Variants in KATNIP observed in about 807,000 individuals in gnomAD.
KATNIP encodes katanin-interacting protein.
KATNIP carries 126 observed loss-of-function variants against 174.0 expected under a neutral mutation model. The observed-to-expected ratio is 0.72, with a 90% CI of 0.63 to 0.84. The LOEUF is 0.84. Among genes scored for constraint, KATNIP ranks in the 40% least tolerant of loss-of-function variants. KATNIP has a pLI of 0.00. For missense variants in KATNIP, 1,958 were observed against 2,109.7 expected (o/e 0.93, Z 1.41); for synonymous variants, 810 against 835.7 (o/e 0.97, Z 0.53).
intron 2 of KATNIP, among the ~76,000 whole-genome samples, chr16:27,589,645 A>AT (rs2075107830): frequency 6.6e-6 from 1 of 152,090 alleles, no homozygotes. Context: ...AGCTTTTTAT[A>AT]TTTTTGCCAG....
intron 1 of KATNIP, among the ~76,000 whole-genome samples, chr16:27,561,477 G>T (rs1596717566): frequency 6.6e-6 from 1 of 152,260 alleles, no homozygotes; most frequent in Admixed American, 6.5e-5. Flanking sequence ...TCCTAGTGAA[G>T]TCACTTTCTC....
At chr16:27,767,306 G>A (rs1324676530) in intron 20 of KATNIP, among the ~76,000 whole-genome samples, 1 of 152,128 alleles carries the variant, frequency 6.6e-6, no homozygotes, top group African/African-American at 2.4e-5. Flanking sequence ...ACCTGCCACG[G>A]CGGATTGGCA....
chr16:27,677,258 C>T (rs1461350311), intron 6 of KATNIP, among the ~76,000 whole-genome samples: 1 of 152,146 alleles, frequency 6.6e-6, no homozygotes, highest in Non-Finnish European at 1.5e-5. Flanking sequence ...AGTTTAGGGT[C>T]ATTTGGAGGC....
At chr16:27,754,670 GCAGAGAAAA>G (rs1367669658) in intron 18 of KATNIP, 1 of 159,178 alleles carries the variant, frequency 6.3e-6, no homozygotes, top group African/African-American at 2.4e-5. Context: ...AGATGCACAG[GCAGAGAAAA>G]CCTGCATCCA....
At chr16:27,570,769 G>T (rs2090261228) in intron 1 of KATNIP, among the ~76,000 whole-genome samples, 1 of 151,928 alleles carries the variant, frequency 6.6e-6, no homozygotes, top group Non-Finnish European at 1.5e-5. Flanking sequence ...TTTGCAGCTG[G>T]GTCTCCAGGC....
rs2076273538 is a variant in KATNIP, at chr16:27,624,337, A to C, written c.141-4324A>C. ...TGTCAGGTCCCTAGACTGCCTCATC[A>C]CACCCTGTACTCCCCACTCACTCCT... On this transcript the variant is annotated intron_variant, in intron 3 of 27. Transcript: ENST00000261588. Among the ~76,000 whole-genome samples, 3 of 151,938 alleles carry C rather than the reference A, an allele frequency of 2.0e-5. No homozygotes were observed. The South Asian group carries it at 6.2e-4, about 32-fold the overall frequency.
chr16:27,633,546 C>G (rs2076553212), intron 5 of KATNIP, among the ~76,000 whole-genome samples: 1 of 151,848 alleles, frequency 6.6e-6, no homozygotes, highest in African/African-American at 2.4e-5. Flanking sequence ...CCTGCCTCGG[C>G]CTCCCAAAGT....
At chr16:27,626,812 G>A (rs2076346880) in intron 3 of KATNIP, among the ~76,000 whole-genome samples, 1 of 151,890 alleles carries the variant, frequency 6.6e-6, no homozygotes, top group Non-Finnish European at 1.5e-5. Flanking sequence ...AAAAAAATTA[G>A]CTAGGTGTGG....
chr16:27,754,845 A>C (rs1328895702), intron 18 of KATNIP: 1 of 152,292 alleles, frequency 6.6e-6, no homozygotes, highest in African/African-American at 2.4e-5. Flanking sequence ...ACATGAGCCA[A>C]ATAAAACACT....
chr16:27,725,030 G>C (rs1231824791), intron 14 of KATNIP, among the ~76,000 whole-genome samples: 1 of 152,192 alleles, frequency 6.6e-6, no homozygotes, highest in Non-Finnish European at 1.5e-5. Context: ...AGCTGGGCCA[G>C]AGGAGAGGGA....
intron 8 of KATNIP, among the ~76,000 whole-genome samples, chr16:27,690,307 C>T (rs1277743539): frequency 7.6e-6 from 1 of 131,054 alleles, no homozygotes; most frequent in Non-Finnish European, 1.6e-5. Flanking sequence ...CAGAGTGAGA[C>T]CCCATCTCAG....
rs142205612 is a variant in KATNIP at position 27,778,618 on chromosome 16, C to T, written c.4846C>T (p.Arg1616Trp). The change falls in exon 28 of 28, where the codon CGG becomes TGG. Residue 1616 changes from arginine to tryptophan, a missense_variant. Coordinates refer to ENST00000261588, the MANE Select transcript of KATNIP (RefSeq NM_015202.5). ...TCISEKETRRRRC is the reference protein window; with the variant it reads ...TCISEKETRRWRC ...CATCAGCGAGAAGGAGACGAGACGA[C>T]GGCGCTGCTGACTGGTGAAGGAGGG... The T allele has an allele frequency of 2.5e-4, 399 of 1,613,656 alleles. 1 individual carries two copies. In the African/African-American group the frequency reaches 4.9e-3, roughly 20 times the overall value.
intron 6 of KATNIP, among the ~76,000 whole-genome samples, chr16:27,663,411 T>C (rs1286783861): frequency 6.6e-6 from 1 of 151,894 alleles, no homozygotes; most frequent in Non-Finnish European, 1.5e-5. Context: ...AATACTTTCA[T>C]TGTCATTTAT....
chr16:27,759,629 G>A (rs72780131), intron 18 of KATNIP, among the ~76,000 whole-genome samples: 3 of 152,306 alleles, frequency 2.0e-5, no homozygotes, highest in East Asian at 1.9e-4. Flanking sequence ...TCACCCACCC[G>A]TCTGGCAGTG....
At chr16:27,702,477 G>C (rs1301891075) in intron 11 of KATNIP, among the ~76,000 whole-genome samples, 5 of 152,220 alleles carry the variant, frequency 3.3e-5, no homozygotes, top group Admixed American at 2.6e-4. Context: ...GTCAGGCTGA[G>C]AGCCTGTAGT....
chr16:27,595,947 G>A (rs1023351075), intron 2 of KATNIP, among the ~76,000 whole-genome samples: 1 of 152,204 alleles, frequency 6.6e-6, no homozygotes, highest in African/African-American at 2.4e-5. Flanking sequence ...GGACATCCGT[G>A]TGGCTGATGG....
Position 27,675,792 on chromosome 16 carries a change from A to G in KATNIP, c.541-1937A>G, listed in dbSNP as rs1036658493. Among the ~76,000 whole-genome samples, 77 of 152,086 alleles carry G rather than the reference A, an allele frequency of 5.1e-4. 1 individual carries two copies. The highest frequency in any genetic ancestry group is 8.4e-4 in the Non-Finnish European group (57 of 68,014). On this transcript the variant is annotated intron_variant, in intron 6 of 27. Transcript: ENST00000261588. ...TGGGACTCCCATGTATGTCTCTAGG[A>G]TTTGCTCCATTAGACAAGGGACTCC... is the stretch of plus-strand genomic sequence containing the variant.
In KATNIP at chr16:27,554,780, T is replaced by C. The variant is rs7187290; in HGVS notation, c.7+4603T>C. On this transcript the variant is annotated intron_variant, in intron 1 of 27. Coordinates refer to ENST00000261588, the MANE Select transcript of KATNIP (RefSeq NM_015202.5). Reference sequence around the variant, plus strand: ...TTTTCTGTTCTGATTTTTTAAACTTTGATTTACACTTTTTTTTTTTTTTTT... The same window carrying C: ...TTTTCTGTTCTGATTTTTTAAACTTCGATTTACACTTTTTTTTTTTTTTTT... 7.3e-3 allele frequency among the ~76,000 whole-genome samples: 1,082 copies of C among 147,872 alleles called. 17 individuals carry two copies. The highest frequency in any genetic ancestry group is 0.025 in the African/African-American group (995 of 40,358).
At chr16:27,618,339 T>TCC in intron 2 of KATNIP, 86 bp from the exon 3 acceptor site, 1 of 1,055,494 alleles carries the variant, frequency 9.5e-7, no homozygotes, top group Admixed American at 1.7e-5. Context: ...CCTCTCAGCC[T>TCC]GCTGCGCCGG....
Sources: allele counts gnomAD v4.1 joint callset (sites outside exome capture counted in the v4.1 genomes callset), GRCh38; gene constraint gnomAD v4.1.1; transcripts MANE v1.5; gene names NCBI Gene and HGNC (gene_info 2026-07-23, HGNC 2026-07-21).